The following GRIP1 variants were observed in gnomAD, a reference collection of about 807,000 sequenced individuals.
GRIP1 encodes the protein glutamate receptor interacting protein 1.
A neutral mutation model predicts 129.9 loss-of-function variants in GRIP1; 45 were observed. That is an observed-to-expected ratio of 0.35 (90% confidence interval 0.27 to 0.44). The LOEUF (loss-of-function observed/expected upper bound fraction) is 0.44, where lower values mean the gene tolerates loss of function less well. Among genes scored for constraint, GRIP1 ranks in the 20% least tolerant of loss-of-function variants. The pLI, the probability that GRIP1 is intolerant of heterozygous loss-of-function variation, is 1.00. For synonymous variants in GRIP1, 530 were observed against 520.8 expected, an observed-to-expected ratio of 1.02 and a Z score of -0.24; for missense variants, 1,196 against 1,396.8, an observed-to-expected ratio of 0.86 and a Z score of 2.29.
rs1229254577 is a variant in GRIP1 at position 66,527,024 on chromosome 12, C to T, written c.502+2807G>A. 1.4e-5 allele frequency among the ~76,000 whole-genome samples: 2 copies of T among 141,418 alleles called. 1 individual carries two copies. The highest frequency in any genetic ancestry group is 3.1e-5 in the Non-Finnish European group (2 of 64,042). The allele number at this position is 141,418 out of a possible 152,430, so 92.8% of individuals were successfully genotyped here. Reference sequence around the variant, plus strand: ...TGGCGATCATTAAAAAGTCAGGTAACAACAGGTGCTGGAGAGGATGTGGAG... The same window carrying T: ...TGGCGATCATTAAAAAGTCAGGTAATAACAGGTGCTGGAGAGGATGTGGAG... On this transcript the variant is annotated intron_variant, in intron 5 of 24. Transcript: ENST00000359742.
At chr12:67,045,677 T>G (rs944201566) in intron 1 of GRIP1, among the ~76,000 whole-genome samples, 19 of 152,178 alleles carry the variant, frequency 1.2e-4, no homozygotes, top group African/African-American at 4.3e-4. Flanking sequence ...CTTACAGTTG[T>G]AGCTACCTTA....
At chr12:66,363,405 T>A (rs1472360059) in intron 23 of GRIP1, among the ~76,000 whole-genome samples, 2 of 134,712 alleles carry the variant, frequency 1.5e-5, no homozygotes, top group Non-Finnish European at 3.2e-5. Flanking sequence ...CACATCTGGC[T>A]TTTTTTTTTT....
chr12:66,780,602 C>G (rs1380945621), intron 1 of GRIP1, among the ~76,000 whole-genome samples: 2 of 152,166 alleles, frequency 1.3e-5, no homozygotes, highest in East Asian at 3.8e-4. Context: ...AAAGCAGCAT[C>G]CCACAATGTC....
intron 1 of GRIP1, among the ~76,000 whole-genome samples, chr12:66,653,530 C>T (rs2032946698): frequency 1.3e-5 from 2 of 152,178 alleles, no homozygotes; most frequent in Non-Finnish European, 1.5e-5. Flanking sequence ...CACAGTATTG[C>T]CTTATCTTCA....
At chr12:66,968,847 A>G (rs952073249) in intron 1 of GRIP1, among the ~76,000 whole-genome samples, 1 of 152,166 alleles carries the variant, frequency 6.6e-6, no homozygotes, top group Non-Finnish European at 1.5e-5. Flanking sequence ...AAGTTGCTGA[A>G]CTATCATTAT....
chr12:66,843,308 T>C (rs767885975), intron 1 of GRIP1, among the ~76,000 whole-genome samples: 3 of 152,040 alleles, frequency 2.0e-5, no homozygotes, highest in Non-Finnish European at 4.4e-5. Flanking sequence ...CACAAATAAA[T>C]GACAAGGTAT....
chr12:66,545,010 T>C (rs149596349), intron 2 of GRIP1, among the ~76,000 whole-genome samples: 1 of 152,208 alleles, frequency 6.6e-6, no homozygotes, highest in East Asian at 1.9e-4. Flanking sequence ...TCTTTTGTGA[T>C]TTAAATTGCA....
intron 13 of GRIP1, among the ~76,000 whole-genome samples, chr12:66,435,354 C>T (rs2058271722): frequency 6.6e-6 from 1 of 152,066 alleles, no homozygotes; most frequent in Non-Finnish European, 1.5e-5. Context: ...AAGCACCTGC[C>T]ATCACGCCCA....
chr12:66,781,684 C>G (rs1221598383), intron 1 of GRIP1, among the ~76,000 whole-genome samples: 1 of 152,130 alleles, frequency 6.6e-6, no homozygotes, highest in Non-Finnish European at 1.5e-5. Flanking sequence ...TATCCAGAGT[C>G]TGTCCAAGGC....
chr12:66,817,463 G>A (rs1306814345), intron 1 of GRIP1, among the ~76,000 whole-genome samples: 3 of 152,122 alleles, frequency 2.0e-5, no homozygotes, highest in East Asian at 3.9e-4. Context: ...AGGCTGGAGT[G>A]CAGTGACATG....
At chr12:67,040,352 T>C (rs1016190068) in intron 1 of GRIP1, among the ~76,000 whole-genome samples, 1 of 152,172 alleles carries the variant, frequency 6.6e-6, no homozygotes, top group Non-Finnish European at 1.5e-5. Flanking sequence ...GTGCATATGT[T>C]TTAAGTTCTG....
At chr12:66,765,195 G>A (rs1221885032) in intron 1 of GRIP1, among the ~76,000 whole-genome samples, 1 of 152,128 alleles carries the variant, frequency 6.6e-6, no homozygotes, top group Non-Finnish European at 1.5e-5. Context: ...TCATCTGCCT[G>A]GTGATGATAT....
rs559240611 is a variant in GRIP1 at position 66,821,190 on chromosome 12, GA to G, written c.59-224264del. ...CTCCAAAATATAAATTCTATTTAAA[GA>G]AAAAAAATCAACCTAGCCCTTTTCT... On this transcript the variant is annotated intron_variant, in intron 1 of 1. Transcript: ENST00000643019. Among the ~76,000 whole-genome samples, 59 of 151,802 alleles carry G rather than the reference GA, an allele frequency of 3.9e-4. 1 individual carries two copies. The highest frequency in any genetic ancestry group is 3.4e-3 in the Middle Eastern group (1 of 294).
chr12:66,498,700 A>C (rs1057257890), intron 7 of GRIP1, among the ~76,000 whole-genome samples: 6 of 122,458 alleles, frequency 4.9e-5, no homozygotes, highest in Admixed American at 4.5e-4. Flanking sequence ...TCATACAGGC[A>C]AAAAAAAAAT....
chr12:66,943,570 GGAAA>G (rs1238410347), intron 1 of GRIP1, among the ~76,000 whole-genome samples: 1 of 152,128 alleles, frequency 6.6e-6, no homozygotes, highest in Non-Finnish European at 1.5e-5. Context: ...AAACACAAAA[GGAAA>G]GAAAGGCAGT....
Position 66,348,936 on chromosome 12 carries a change from G to A in GRIP1, c.*83C>T. ...TTAATGCCACGTTGATTGATTATCTGTGCTTCAAAGGTCACAGAAATCTTA... is the reference window on the plus strand; with the variant it reads ...TTAATGCCACGTTGATTGATTATCTATGCTTCAAAGGTCACAGAAATCTTA... On this transcript the variant is annotated 3_prime_UTR_variant, in exon 25 of 25. Transcript: ENST00000359742. 1.0e-6 allele frequency: 1 copy of A among 964,160 alleles called. No individual in the cohort carries two copies. Among genetic ancestry groups the A allele is most frequent in the South Asian group, 1.3e-5 (1 of 77,914 alleles). The allele number at this position is 964,160 out of a possible 1,614,324, so 59.7% of individuals were successfully genotyped here. A position where few individuals can be genotyped will look rare whatever the true frequency, so the allele number is the denominator to read the frequency against.
At chr12:66,576,458 G>T (rs1273984583) in intron 2 of GRIP1, among the ~76,000 whole-genome samples, 1 of 152,218 alleles carries the variant, frequency 6.6e-6, no homozygotes, top group Non-Finnish European at 1.5e-5. Context: ...GTGATGATCA[G>T]GAATAGAGAC....
chr12:66,566,161 G>T (rs1466269515), intron 2 of GRIP1, among the ~76,000 whole-genome samples: 1 of 152,174 alleles, frequency 6.6e-6, no homozygotes, highest in African/African-American at 2.4e-5. Flanking sequence ...ACACTATGTT[G>T]AACAGGAGTG....
intron 1 of GRIP1, among the ~76,000 whole-genome samples, chr12:66,644,593 T>TA (rs2032204681): frequency 6.6e-6 from 1 of 152,224 alleles, no homozygotes; most frequent in Non-Finnish European, 1.5e-5. Flanking sequence ...ATAATGTAGA[T>TA]ACTCATACAC....
Sources: gnomAD v4.1 joint callset for allele counts (sites outside exome capture counted in the v4.1 genomes callset) on GRCh38, gnomAD v4.1.1 for gene constraint, MANE v1.5 for transcripts, NCBI Gene and HGNC (gene_info 2026-07-23, HGNC 2026-07-21) for gene names.